STAT5B: variants seen among roughly 807,000 people sequenced by gnomAD.
The protein encoded by STAT5B is transcription factor STAT5B.
Under a neutral mutation model 107.8 loss-of-function variants are expected in STAT5B, and 21 were observed. The ratio of observed to expected loss-of-function variants is 0.19; its 90% confidence interval spans 0.14 to 0.28. The LOEUF (loss-of-function observed/expected upper bound fraction) is 0.28, where lower values mean the gene tolerates loss of function less well. Ranked by LOEUF, STAT5B falls within the 10% of genes least tolerant of loss-of-function variation. STAT5B has a pLI of 1.00. For synonymous variants in STAT5B, 325 were observed against 401.7 expected (o/e 0.81, Z 2.28); for missense variants, 565 against 1,008.2 (o/e 0.56, Z 5.95).
rs775637267 is a variant in STAT5B at position 42,210,462 on chromosome 17, T to A, written c.1716A>T (p.Gln572His). The A allele has an allele frequency of 9.9e-6, 16 of 1,614,018 alleles. No individual in the cohort carries two copies. Among genetic ancestry groups the A allele is most frequent in the Admixed American group, 1.7e-5 (1 of 59,992 alleles). ...ACACTTCCATCACACCGTCAAACCA[T>A]TGCCAGAAAGTGTAATTCCGTCCTG... is the stretch of plus-strand genomic sequence containing the variant. ...NLPGRNYTFW[Q>H]WFDGVMEVLK... The change falls in exon 14 of 19, where the codon CAA becomes CAT. Residue 572 changes from glutamine to histidine, a missense_variant. Gln to His is a conservative substitution (Grantham distance 24, BLOSUM62 0). This residue lies in a region of STAT5B where 127 missense variants were observed against 215.8 expected (regional missense o/e 0.59). Coordinates refer to ENST00000293328, the MANE Select transcript of STAT5B (RefSeq NM_012448.4).
intron 1 of STAT5B, among the ~76,000 whole-genome samples, chr17:42,266,236 A>T (rs1228311621): frequency 6.6e-6 from 1 of 152,038 alleles, no homozygotes; most frequent in Non-Finnish European, 1.5e-5. Flanking sequence ...GGTAATAAAA[A>T]TTCAAAACTA....
At chr17:42,203,509 G>A (rs1051219853) in intron 16 of STAT5B, among the ~76,000 whole-genome samples, 2 of 152,176 alleles carry the variant, frequency 1.3e-5, no homozygotes, top group Non-Finnish European at 2.9e-5. Flanking sequence ...TCAGGACCAG[G>A]AGGGGCAGGT....
At chr17:42,251,994 G>A (rs1450924200) in intron 1 of STAT5B, among the ~76,000 whole-genome samples, 8 of 138,842 alleles carry the variant, frequency 5.8e-5, no homozygotes, top group East Asian at 2.0e-4. Flanking sequence ...GCAAGGCTCC[G>A]TCTCAAAAAA....
At chr17:42,215,957 G>A in intron 12 of STAT5B, 57 bp downstream of exon 12, 1 of 1,555,150 alleles carries the variant, frequency 6.4e-7, no homozygotes, top group Non-Finnish European at 8.8e-7. Context: ...ATACATAAAT[G>A]AGATTCATGA....
chr17:42,262,783 TATACAC>T (rs2080613012), intron 1 of STAT5B, among the ~76,000 whole-genome samples: 1 of 128,830 alleles, frequency 7.8e-6, no homozygotes, highest in Admixed American at 7.6e-5. Flanking sequence ...TATGTATATA[TATACAC>T]ATATATATGT....
At chr17:42,228,791 G>A (rs754163135) in intron 2 of STAT5B, among the ~76,000 whole-genome samples, 13 of 152,102 alleles carry the variant, frequency 8.5e-5, no homozygotes, top group Non-Finnish European at 1.3e-4. Context: ...GAAATTATCC[G>A]GGCGTGGCGG....
chr17:42,236,721 G>T (rs1598318030), intron 1 of STAT5B, among the ~76,000 whole-genome samples: 1 of 152,334 alleles, frequency 6.6e-6, no homozygotes, highest in East Asian at 1.9e-4. Context: ...ACAGGCGTGA[G>T]CCAGCGTGCC....
chr17:42,237,182 A>T (rs1255921133), intron 1 of STAT5B, among the ~76,000 whole-genome samples: 1 of 152,156 alleles, frequency 6.6e-6, no homozygotes, highest in African/African-American at 2.4e-5. Flanking sequence ...CCTCAACCTT[A>T]TATATCTGGA....
Position 42,214,336 on chromosome 17 carries a change from A to C in STAT5B, c.1473+1678T>G, listed in dbSNP as rs978408175. The C allele has an allele frequency of 3.0e-6, 3 of 985,282 alleles. No homozygotes were observed. The African/African-American group carries it at 5.2e-5, about 17-fold the overall frequency. 61.0% of individuals were successfully genotyped at this position (985,282 alleles called of 1,614,324 possible). ...AAGAGATGTGGCAATCTTATCTAGG[A>C]GGCTTATCAGGACAAGAGGCAGACA... is the stretch of plus-strand genomic sequence containing the variant. On this transcript the variant is annotated intron_variant, in intron 12 of 18. Coordinates refer to ENST00000293328, the MANE Select transcript of STAT5B (RefSeq NM_012448.4).
At chr17:42,222,052 T>C (rs2080232619) in intron 5 of STAT5B, among the ~76,000 whole-genome samples, 1 of 142,306 alleles carries the variant, frequency 7.0e-6, no homozygotes, top group Non-Finnish European at 1.5e-5. Context: ...GTGTGCTGTG[T>C]GTCTGTGTGT....
chr17:42,251,129 A>G (rs900353489), intron 1 of STAT5B, among the ~76,000 whole-genome samples: 2 of 152,192 alleles, frequency 1.3e-5, no homozygotes, highest in Admixed American at 6.5e-5. Flanking sequence ...CTAAGAAGAC[A>G]AACCTTCAAG....
intron 1 of STAT5B, among the ~76,000 whole-genome samples, chr17:42,261,587 G>T (rs2080597147): frequency 6.6e-6 from 1 of 151,944 alleles, no homozygotes; most frequent in African/African-American, 2.4e-5. Flanking sequence ...TTGAGACAGG[G>T]TCTCACTCTG....
chr17:42,255,560 A>AGAT (rs1349942428), intron 1 of STAT5B, among the ~76,000 whole-genome samples: 1 of 152,256 alleles, frequency 6.6e-6, no homozygotes, highest in African/African-American at 2.4e-5. Flanking sequence ...ACAAAGGGGC[A>AGAT]GATAGTGTAT....
At chr17:42,203,493 A>G (rs980676774) in intron 16 of STAT5B, among the ~76,000 whole-genome samples, 14 of 152,086 alleles carry the variant, frequency 9.2e-5, no homozygotes, top group African/African-American at 3.1e-4. Context: ...GACCCAGGGG[A>G]TAAAATCAGG....
intron 1 of STAT5B, among the ~76,000 whole-genome samples, chr17:42,260,066 C>T (rs976735107): frequency 1.3e-5 from 2 of 152,158 alleles, no homozygotes; most frequent in Non-Finnish European, 2.9e-5. Context: ...ATTATGGTAG[C>T]CTCTAGCAGC....
rs1424421410 is a variant in STAT5B at position 42,276,345 on chromosome 17, G to C, written c.-108C>G. On this transcript the variant is annotated 5_prime_UTR_variant, in exon 1 of 19. Coordinates refer to ENST00000293328, the MANE Select transcript of STAT5B (RefSeq NM_012448.4). The surrounding 1 kb of genome is among the most constrained non-coding windows in gnomAD (Gnocchi z 4.8). ...CCTCCCTCGGCCGGGCCGCCGCGCG[G>C]AGTTGCCTGCGCTGGGTCCCCGCCC... 1 of 146,894 alleles carries C rather than the reference G, an allele frequency of 6.8e-6. No homozygotes were observed. The highest frequency in any genetic ancestry group is 2.4e-5 in the African/African-American group (1 of 40,862). The allele number at this position is 146,894 out of a possible 1,614,324, so 9.1% of individuals were successfully genotyped here.
intron 2 of STAT5B, 96 bp from the exon 3 acceptor site, chr17:42,227,781 G>C: frequency 7.4e-7 from 1 of 1,343,132 alleles, no homozygotes; most frequent in Non-Finnish European, 1.0e-6. Context: ...CAACTAAAGT[G>C]ATGTTTTTAA....
chr17:42,238,073 T>C (rs1481334069), intron 1 of STAT5B, among the ~76,000 whole-genome samples: 2 of 151,610 alleles, frequency 1.3e-5, no homozygotes, highest in Non-Finnish European at 2.9e-5. Flanking sequence ...CCTTAACCAA[T>C]ATCCTCCAGT....
chr17:42,218,461 G>C lies in STAT5B; in HGVS notation c.990-131C>G, dbSNP rs889438664. 2.5e-5 allele frequency: 36 copies of C among 1,454,344 alleles called. No homozygotes were observed. The African/African-American group carries it at 4.7e-4, about 19-fold the overall frequency. 90.1% of individuals were successfully genotyped at this position (1,454,344 alleles called of 1,614,324 possible). ...GGTGAAGAGCTCGGGCACAGCCTCT[G>C]TTCCTGGGGAAGCCGTGAGAGTCCA... is the stretch of plus-strand genomic sequence containing the variant. On this transcript the variant is annotated intron_variant, in intron 8 of 18. Coordinates refer to ENST00000293328, the MANE Select transcript of STAT5B (RefSeq NM_012448.4).
Sources: gnomAD v4.1 joint callset for allele counts (sites outside exome capture counted in the v4.1 genomes callset) on GRCh38, gnomAD v4.1.1 for gene constraint, gnomAD v4.1.1 regional missense constraint, Gnocchi (gnomAD v3.1) non-coding constraint, MANE v1.5 for transcripts, NCBI Gene and HGNC (gene_info 2026-07-23, HGNC 2026-07-21) for gene names.